The following SH3KBP1 variants were observed in gnomAD, a reference collection of about 807,000 sequenced individuals.
The protein encoded by SH3KBP1 is SH3 domain-containing kinase-binding protein 1.
Under a neutral mutation model 50.1 loss-of-function variants are expected in SH3KBP1, and 8 were observed. That is an observed-to-expected ratio of 0.16 (90% CI 0.09 to 0.29). SH3KBP1 has a LOEUF of 0.29. SH3KBP1 is among the 10% of genes least tolerant of loss of function. The pLI, the probability that SH3KBP1 is intolerant of heterozygous loss-of-function variation, is 1.00. For synonymous variants in SH3KBP1, 227 were observed against 218.6 expected, an observed-to-expected ratio of 1.04 and a Z score of -0.34; for missense variants, 377 against 535.2, an observed-to-expected ratio of 0.70 and a Z score of 2.92.
intron 1 of SH3KBP1, among the ~76,000 whole-genome samples, chrX:19,873,942 G>A (rs2069147055): frequency 1.9e-5 from 2 of 102,615 alleles, no homozygotes; most frequent in Non-Finnish European, 2.0e-5. Flanking sequence ...CCAGCTACTC[G>A]GGAGGCTGAG....
intron 8 of SH3KBP1, among the ~76,000 whole-genome samples, chrX:19,619,243 T>C (rs2067727359): frequency 8.9e-6 from 1 of 111,908 alleles, no homozygotes; most frequent in Non-Finnish European, 1.9e-5. Context: ...GCCACTGCAC[T>C]CCAGCCTGGG....
At chrX:19,619,192 C>G (rs1306259097) in intron 8 of SH3KBP1, among the ~76,000 whole-genome samples, 1 of 111,758 alleles carries the variant, frequency 8.9e-6, no homozygotes, top group Non-Finnish European at 1.9e-5. Context: ...AGGAGAATTG[C>G]TTGAACCCAG....
At chrX:19,722,531 G>GGTGT (rs59121045) in intron 3 of SH3KBP1, among the ~76,000 whole-genome samples, 2,061 of 101,026 alleles carry the variant, frequency 0.02, 23 homozygotes, top group Middle Eastern at 0.045. Context: ...CAGCTGCACT[G>GGTGT]GTGTGTGTGT....
chrX:19,605,922 T>C (rs775134192), intron 9 of SH3KBP1, among the ~76,000 whole-genome samples: 83 of 112,233 alleles, frequency 7.4e-4, no homozygotes, highest in Admixed American at 1.9e-4. Flanking sequence ...CTAATGGCTA[T>C]TTATCAAAGT....
rs1474659474 is a variant in SH3KBP1 at position 19,882,754 on chromosome X, GT to G, written c.4+4552del. On this transcript the variant is annotated intron_variant, in intron 1 of 17. Coordinates refer to ENST00000397821, the MANE Select transcript of SH3KBP1 (RefSeq NM_031892.3). ...AATAATGCAAACAGTGTAACTTAAA[GT>G]CCCCTTTAAAGAGGATGGAGGGTAA... is the stretch of plus-strand genomic sequence containing the variant. 4.5e-5 allele frequency among the ~76,000 whole-genome samples: 5 copies of G among 111,704 alleles called. 1 individual carries two copies. The highest frequency in any genetic ancestry group is 3.8e-4 in the Admixed American group (4 of 10,539).
At chrX:19,844,561 A>G (rs1312438747) in intron 1 of SH3KBP1, among the ~76,000 whole-genome samples, 1 of 111,417 alleles carries the variant, frequency 9.0e-6, no homozygotes, top group African/African-American at 3.3e-5. Flanking sequence ...ACCAATGCCT[A>G]TATAGCAGAG....
chrX:19,598,438 C>T (rs1291864667), intron 9 of SH3KBP1, among the ~76,000 whole-genome samples: 1 of 111,082 alleles, frequency 9.0e-6, no homozygotes, highest in Non-Finnish European at 1.9e-5. Flanking sequence ...ACTGGAGCAG[C>T]ACTTTTAATT....
intron 2 of SH3KBP1, among the ~76,000 whole-genome samples, chrX:19,817,433 T>G (rs2147313754): frequency 8.9e-6 from 1 of 111,890 alleles, no homozygotes; most frequent in Non-Finnish European, 1.9e-5. Context: ...TCCATTTATT[T>G]AGATCTTCTT....
chrX:19,832,648 C>T (rs1270795110), intron 2 of SH3KBP1, among the ~76,000 whole-genome samples: 1 of 110,494 alleles, frequency 9.1e-6, no homozygotes, highest in Non-Finnish European at 1.9e-5. Flanking sequence ...ACCGCCTCCC[C>T]CCGCCCCCCA....
At position 19,839,450 on chromosome X, in the gene SH3KBP1, C is replaced by T. The variant is rs758839426; in HGVS notation, c.5-3168G>A. Among the ~76,000 whole-genome samples, 5 of 109,485 alleles carry T rather than the reference C, an allele frequency of 4.6e-5. No homozygotes were observed. The East Asian group carries it at 1.4e-3, about 31-fold the overall frequency. On this transcript the variant is annotated intron_variant, in intron 1 of 17. Transcript: ENST00000397821. ...CTCCCAGGCTCAAGTGTTCCTCCCA[C>T]CTCAGCCTCCCAAGTAGCTGGGACT...
At chrX:19,788,290 A>AAC (rs1342343325) in intron 2 of SH3KBP1, among the ~76,000 whole-genome samples, 7 of 107,858 alleles carry the variant, frequency 6.5e-5, no homozygotes, top group African/African-American at 2.4e-4. Context: ...AAAAAACAAA[A>AAC]AAAAAAAACA....
At chrX:19,707,929 C>A (rs2063687986) in intron 3 of SH3KBP1, among the ~76,000 whole-genome samples, 1 of 112,946 alleles carries the variant, frequency 8.9e-6, no homozygotes, top group Admixed American at 9.3e-5. Context: ...ACCGACATTG[C>A]TCAGAAGTTT....
intron 13 of SH3KBP1, among the ~76,000 whole-genome samples, chrX:19,558,146 A>T (rs2065551119): frequency 8.9e-6 from 1 of 112,771 alleles, no homozygotes. Context: ...TTACACTATT[A>T]TCCACAGGAA....
chrX:19,615,042 G>T (rs987032879), intron 8 of SH3KBP1, among the ~76,000 whole-genome samples: 8 of 112,129 alleles, frequency 7.1e-5, no homozygotes, highest in African/African-American at 2.6e-4. Context: ...AGCAGGTATA[G>T]AATTCCTACA....
chrX:19,826,712 T>TAACATAAC (rs1282387171), intron 2 of SH3KBP1, among the ~76,000 whole-genome samples: 6 of 107,439 alleles, frequency 5.6e-5, no homozygotes, highest in Non-Finnish European at 1.2e-4. Flanking sequence ...TAACATAACA[T>TAACATAAC]AACATAACAT....
At chrX:19,611,596 C>T (rs1043747121) in intron 8 of SH3KBP1, among the ~76,000 whole-genome samples, 2 of 111,674 alleles carry the variant, frequency 1.8e-5, no homozygotes, top group South Asian at 7.7e-4. Context: ...TCAGGTGATT[C>T]GCCCACCTTG....
In SH3KBP1 at chrX:19,536,365, AT is replaced by A; in HGVS notation, c.*51del. 1.2e-6 allele frequency: 1 copy of A among 865,031 alleles called. No individual in the cohort carries two copies. Among genetic ancestry groups the A allele is most frequent in the Non-Finnish European group, 1.7e-6 (1 of 605,418 alleles). 71.3% of individuals were successfully genotyped at this position (865,031 alleles called of 1,213,427 possible). A position where few individuals can be genotyped will look rare whatever the true frequency, so the allele number is the denominator to read the frequency against. ...AAGATTATTTTGGCTGGGGCAGAAAATTTGAGTCTCGGACTCAGGATGAATA... is the reference window on the plus strand; with the variant it reads ...AAGATTATTTTGGCTGGGGCAGAAAATTGAGTCTCGGACTCAGGATGAATA... On this transcript the variant is annotated 3_prime_UTR_variant, in exon 18 of 18. Coordinates refer to ENST00000397821, the MANE Select transcript of SH3KBP1 (RefSeq NM_031892.3).
At chrX:19,556,468 A>C (rs1419653040) in intron 13 of SH3KBP1, among the ~76,000 whole-genome samples, 1 of 111,009 alleles carries the variant, frequency 9.0e-6, no homozygotes, top group Non-Finnish European at 1.9e-5. Context: ...GATGGGCCCA[A>C]TATTAGGGAG....
At chrX:19,655,069 G>A (rs1043670506) in intron 6 of SH3KBP1, among the ~76,000 whole-genome samples, 2 of 112,425 alleles carry the variant, frequency 1.8e-5, no homozygotes, top group African/African-American at 6.4e-5. Flanking sequence ...TTGGCTAAAA[G>A]TAGCAGCTTT....
Sources: allele counts gnomAD v4.1 joint callset (sites outside exome capture counted in the v4.1 genomes callset), GRCh38; gene constraint gnomAD v4.1.1; transcripts MANE v1.5; gene names NCBI Gene and HGNC (gene_info 2026-07-23, HGNC 2026-07-21).